The following CSMD1 variants were observed in gnomAD, a reference collection of about 807,000 sequenced individuals.
The protein encoded by CSMD1 is CUB and Sushi multiple domains 1.
CSMD1 carries 213 observed loss-of-function variants against 417.5 expected under a neutral mutation model. The observed-to-expected ratio is 0.51, with a 90% CI of 0.46 to 0.57. CSMD1 has a LOEUF of 0.57. Among genes scored for constraint, CSMD1 ranks in the 20% least tolerant of loss-of-function variants. The pLI, the probability that CSMD1 is intolerant of heterozygous loss-of-function variation, is 0.00. For missense variants in CSMD1, 6,923 were observed against 4,529.7 expected, an observed-to-expected ratio of 1.53 and a Z score of -15.17; for synonymous variants, 2,862 against 1,736.8, an observed-to-expected ratio of 1.65 and a Z score of -16.11.
chr8:3,032,101 G>C (rs377379941), intron 50 of CSMD1, among the ~76,000 whole-genome samples: 2 of 151,782 alleles, frequency 1.3e-5, no homozygotes, highest in Non-Finnish European at 2.9e-5. Context: ...GAAATTAGGA[G>C]TAAAAAGAAA....
intron 54 of CSMD1, among the ~76,000 whole-genome samples, chr8:2,996,183 AAG>A (rs145959701): frequency 0.12 from 17,800 of 152,154 alleles, 1,165 homozygotes; most frequent in African/African-American, 0.18. Context: ...AATGGGAAAA[AAG>A]AGAGAGAATT....
intron 50 of CSMD1, among the ~76,000 whole-genome samples, chr8:3,051,095 G>T (rs898470350): frequency 6.6e-6 from 1 of 152,134 alleles, no homozygotes; most frequent in Non-Finnish European, 1.5e-5. Flanking sequence ...TCCCATTACT[G>T]GGTATATACC....
At chr8:4,347,771 T>C (rs1800857003) in intron 3 of CSMD1, among the ~76,000 whole-genome samples, 1 of 152,158 alleles carries the variant, frequency 6.6e-6, no homozygotes, top group Non-Finnish European at 1.5e-5. Flanking sequence ...TTGTATTGGA[T>C]AAAGTTTTAG....
chr8:4,380,868 C>G (rs1803058427), intron 3 of CSMD1, among the ~76,000 whole-genome samples: 1 of 152,046 alleles, frequency 6.6e-6, no homozygotes, highest in Non-Finnish European at 1.5e-5. Flanking sequence ...TAGTATATTA[C>G]TATACTTTTT....
intron 54 of CSMD1, among the ~76,000 whole-genome samples, chr8:2,992,499 C>T (rs1806484281): frequency 6.6e-6 from 1 of 151,998 alleles, no homozygotes; most frequent in Non-Finnish European, 1.5e-5. Context: ...TCTTGGCTCA[C>T]TGCAACCTCT....
rs540636124 is a variant in CSMD1, at chr8:3,608,597, A to C, written c.1097+8113T>G. 2.6e-5 allele frequency among the ~76,000 whole-genome samples: 4 copies of C among 152,090 alleles called. No individual in the cohort carries two copies. The South Asian group carries it at 8.3e-4, about 32-fold the overall frequency. On this transcript the variant is annotated intron_variant, in intron 8 of 69. Transcript: ENST00000635120. ...GCCAACATAGTGAAACCCCGTCTCT[A>C]TTAAAAATGCAAAAAAATTAGCCGG...
At chr8:4,824,228 G>T (rs940897930) in intron 1 of CSMD1, among the ~76,000 whole-genome samples, 26 of 152,006 alleles carry the variant, frequency 1.7e-4, no homozygotes, top group African/African-American at 5.8e-4. Flanking sequence ...TTATAGATTA[G>T]CCAAGAAAGA....
At chr8:4,610,639 A>C (rs1366779028) in intron 2 of CSMD1, among the ~76,000 whole-genome samples, 3 of 152,192 alleles carry the variant, frequency 2.0e-5, no homozygotes, top group African/African-American at 7.2e-5. Flanking sequence ...GAAATACCTG[A>C]TTATAAATAG....
intron 10 of CSMD1, among the ~76,000 whole-genome samples, chr8:3,514,692 G>C (rs1273956733): frequency 2.6e-5 from 4 of 151,858 alleles, no homozygotes; most frequent in African/African-American, 7.3e-5. Flanking sequence ...GGTATCTTTT[G>C]TTAATATCAT....
At chr8:4,581,910 C>T (rs1353951314) in intron 2 of CSMD1, among the ~76,000 whole-genome samples, 4 of 152,158 alleles carry the variant, frequency 2.6e-5, no homozygotes, top group Non-Finnish European at 5.9e-5. Context: ...CCACCATCAA[C>T]TTGAGTCTCA....
At chr8:4,221,220 T>C (rs1039394215) in intron 3 of CSMD1, among the ~76,000 whole-genome samples, 2 of 152,146 alleles carry the variant, frequency 1.3e-5, no homozygotes, top group Non-Finnish European at 2.9e-5. Flanking sequence ...ATATTTCAAA[T>C]ACAACATATA....
intron 23 of CSMD1, among the ~76,000 whole-genome samples, chr8:3,334,262 C>G (rs1585014852): frequency 6.6e-6 from 1 of 152,294 alleles, no homozygotes; most frequent in East Asian, 1.9e-4. Context: ...CTGACATACC[C>G]TGCTCTTCAC....
chr8:3,467,099 A>C (rs185978597), intron 12 of CSMD1, among the ~76,000 whole-genome samples: 1 of 152,266 alleles, frequency 6.6e-6, no homozygotes, highest in Middle Eastern at 3.4e-3. Flanking sequence ...CCACAGCACT[A>C]ATTAGGGTAA....
Position 3,472,866 on chromosome 8 carries a change from C to T in CSMD1, c.1449-4042G>A, listed in dbSNP as rs569928638. On this transcript the variant is annotated intron_variant, in intron 11 of 69. Coordinates refer to ENST00000635120, the MANE Select transcript of CSMD1 (RefSeq NM_033225.6). Reference sequence around the variant, plus strand: ...TTATTCTTTTCATGTCACCAGTCATCGGCCACTAGAAGTAACTGTTGGGGG... The same window carrying T: ...TTATTCTTTTCATGTCACCAGTCATTGGCCACTAGAAGTAACTGTTGGGGG... Among the ~76,000 whole-genome samples the T allele has an allele frequency of 5.3e-5, 8 of 152,046 alleles. No individual in the cohort carries two copies. In the East Asian group the frequency reaches 7.8e-4, roughly 15 times the overall value.
intron 3 of CSMD1, among the ~76,000 whole-genome samples, chr8:4,356,930 A>G (rs1254126404): frequency 6.6e-6 from 1 of 152,350 alleles, no homozygotes; most frequent in African/African-American, 2.4e-5. Flanking sequence ...TACTTTTTAA[A>G]TGTCAATATG....
At chr8:4,129,429 G>C (rs1585378699) in intron 3 of CSMD1, among the ~76,000 whole-genome samples, 2 of 152,196 alleles carry the variant, frequency 1.3e-5, no homozygotes, top group Middle Eastern at 6.8e-3. Flanking sequence ...TCCTCTTTTA[G>C]GTAGATGTAC....
intron 7 of CSMD1, among the ~76,000 whole-genome samples, chr8:3,663,791 G>A (rs905455396): frequency 6.6e-6 from 1 of 152,144 alleles, no homozygotes; most frequent in African/African-American, 2.4e-5. Flanking sequence ...GATGTCTCAT[G>A]TCTCCCTAAA....
chr8:4,031,280 G>C (rs745611713), intron 4 of CSMD1, among the ~76,000 whole-genome samples: 6 of 152,142 alleles, frequency 3.9e-5, no homozygotes, highest in East Asian at 1.9e-4. Flanking sequence ...ATTTACAAAA[G>C]AAAGAAGTTT....
chr8:4,391,051 C>G (rs1268756335), intron 3 of CSMD1, among the ~76,000 whole-genome samples: 1 of 152,136 alleles, frequency 6.6e-6, no homozygotes, highest in Non-Finnish European at 1.5e-5. Flanking sequence ...TGTTTAAACC[C>G]CAGAGCACTA....
Sources: allele counts gnomAD v4.1 joint callset (sites outside exome capture counted in the v4.1 genomes callset), GRCh38; gene constraint gnomAD v4.1.1; transcripts MANE v1.5; gene names NCBI Gene and HGNC (gene_info 2026-07-23, HGNC 2026-07-21).